Variants in RALYL observed in about 807,000 individuals in gnomAD.
The protein encoded by RALYL is RNA-binding Raly-like protein.
Under a neutral mutation model 35.1 loss-of-function variants are expected in RALYL, and 29 were observed. The observed-to-expected ratio is 0.83, with a 90% CI of 0.61 to 1.13. The LOEUF (loss-of-function observed/expected upper bound fraction) is 1.13, where lower values mean the gene tolerates loss of function less well. RALYL is among the 50% of genes most tolerant of loss of function. The pLI, the probability that RALYL is intolerant of heterozygous loss-of-function variation, is 0.00. For missense variants in RALYL, 359 were observed against 360.4 expected, an observed-to-expected ratio of 1.00 and a Z score of 0.03; for synonymous variants, 120 against 127.6, an observed-to-expected ratio of 0.94 and a Z score of 0.40.
chr8:84,793,730 G>A (rs1821317243), intron 3 of RALYL, among the ~76,000 whole-genome samples: 1 of 152,090 alleles, frequency 6.6e-6, no homozygotes, highest in South Asian at 2.1e-4. Flanking sequence ...TCAACCTGTG[G>A]CAGTTTAAAT....
intron 1 of RALYL, among the ~76,000 whole-genome samples, chr8:84,352,914 T>TAGTA (rs1851187105): frequency 1.3e-5 from 2 of 150,184 alleles, no homozygotes; most frequent in East Asian, 3.9e-4. Flanking sequence ...AAACTCTTTT[T>TAGTA]AGTAAGAAAA....
At chr8:84,248,947 A>T (rs183015865) in intron 1 of RALYL, among the ~76,000 whole-genome samples, 1 of 152,184 alleles carries the variant, frequency 6.6e-6, no homozygotes, top group Non-Finnish European at 1.5e-5. Context: ...TATGTCAAGA[A>T]AAAAAGAAAG....
intron 2 of RALYL, among the ~76,000 whole-genome samples, chr8:84,594,935 C>G (rs77476135): frequency 5.3e-5 from 8 of 151,634 alleles, no homozygotes; most frequent in African/African-American, 1.9e-4. Flanking sequence ...CTTTTAAAGA[C>G]AGATCATCTC....
intron 1 of RALYL, among the ~76,000 whole-genome samples, chr8:84,500,330 T>G (rs1187816453): frequency 1.3e-5 from 2 of 152,184 alleles, no homozygotes; most frequent in African/African-American, 4.8e-5. Flanking sequence ...ACAATCAGTA[T>G]GTAATCAAAT....
chr8:84,774,461 A>T, intron 2 of RALYL, 118 bp from the exon 3 acceptor site: 1 of 676,270 alleles, frequency 1.5e-6, no homozygotes, highest in Non-Finnish European at 2.6e-6. Context: ...TGAATGAATC[A>T]ATGGTGTACA....
chr8:84,309,507 A>T (rs1171830744), intron 1 of RALYL, among the ~76,000 whole-genome samples: 1 of 152,076 alleles, frequency 6.6e-6, no homozygotes, highest in Non-Finnish European at 1.5e-5. Flanking sequence ...ATTCTAAAAT[A>T]AAACATTGTA....
chr8:84,399,233 G>A (rs2042650407), intron 1 of RALYL, among the ~76,000 whole-genome samples: 1 of 152,134 alleles, frequency 6.6e-6, no homozygotes, highest in Non-Finnish European at 1.5e-5. Flanking sequence ...GATAGAACAT[G>A]TGCTAAGTAC....
chr8:84,648,073 A>G (rs935656974), intron 2 of RALYL, among the ~76,000 whole-genome samples: 1 of 151,702 alleles, frequency 6.6e-6, no homozygotes, highest in African/African-American at 2.4e-5. Context: ...TGTGTTAGGG[A>G]CTCTCCAGCA....
intron 2 of RALYL, among the ~76,000 whole-genome samples, chr8:84,669,044 T>C (rs1359580076): frequency 6.6e-6 from 1 of 152,124 alleles, no homozygotes; most frequent in Non-Finnish European, 1.5e-5. Context: ...CAAGGCCTAT[T>C]ATGTTCATGT....
At chr8:84,252,503 T>C (rs1830386282) in intron 1 of RALYL, among the ~76,000 whole-genome samples, 1 of 152,180 alleles carries the variant, frequency 6.6e-6, no homozygotes, top group Non-Finnish European at 1.5e-5. Context: ...TATAGCATGA[T>C]GCAAAGGCGC....
intron 4 of RALYL, among the ~76,000 whole-genome samples, chr8:84,845,931 A>G (rs980423394): frequency 3.3e-5 from 5 of 152,110 alleles, no homozygotes; most frequent in Non-Finnish European, 5.9e-5. Context: ...TGAATTTTTC[A>G]GAGATTAGAT....
At chr8:84,534,069 C>T (rs2059441671) in intron 2 of RALYL, among the ~76,000 whole-genome samples, 1 of 152,204 alleles carries the variant, frequency 6.6e-6, no homozygotes. Flanking sequence ...AAGAATGAAA[C>T]CTTTGCTGTG....
intron 1 of RALYL, among the ~76,000 whole-genome samples, chr8:84,491,652 C>T (rs1368225070): frequency 6.6e-6 from 1 of 151,842 alleles, no homozygotes; most frequent in Non-Finnish European, 1.5e-5. Context: ...GAAGGAAGCT[C>T]AGGAAAAAAT....
intron 2 of RALYL, among the ~76,000 whole-genome samples, chr8:84,615,403 T>A (rs1030327337): frequency 6.6e-6 from 1 of 150,664 alleles, no homozygotes; most frequent in African/African-American, 2.5e-5. Flanking sequence ...AGACTATCAA[T>A]GTCAGTATGT....
chr8:84,877,495 AAT>A (rs141125949), intron 7 of RALYL, among the ~76,000 whole-genome samples: 33 of 149,186 alleles, frequency 2.2e-4, no homozygotes, highest in Admixed American at 2.7e-4. Context: ...AAAACAAATA[AAT>A]ATATATATAT....
At chr8:84,405,192 A>T (rs938828387) in intron 1 of RALYL, among the ~76,000 whole-genome samples, 10 of 152,214 alleles carry the variant, frequency 6.6e-5, no homozygotes, top group African/African-American at 2.4e-4. Context: ...ACATACCAGT[A>T]TCTCTGGAAC....
At chr8:84,406,786 T>C (rs1275766435) in intron 1 of RALYL, among the ~76,000 whole-genome samples, 1 of 152,060 alleles carries the variant, frequency 6.6e-6, no homozygotes, top group Non-Finnish European at 1.5e-5. Flanking sequence ...GCATTCAGTA[T>C]TTGCTGGAAT....
chr8:84,790,041 G>A (rs1820418643), intron 3 of RALYL, among the ~76,000 whole-genome samples: 2 of 152,156 alleles, frequency 1.3e-5, no homozygotes, highest in African/African-American at 4.8e-5. Context: ...TAGTCTTAGG[G>A]GTAGGTGAAG....
chr8:84,718,362 C>A (rs1461302025), intron 2 of RALYL, among the ~76,000 whole-genome samples: 1 of 152,106 alleles, frequency 6.6e-6, no homozygotes. Flanking sequence ...GGGTCAGTTT[C>A]ATTATTATTT....
Sources: gnomAD v4.1 joint callset for allele counts (sites outside exome capture counted in the v4.1 genomes callset) on GRCh38, gnomAD v4.1.1 for gene constraint, MANE v1.5 for transcripts, NCBI Gene and HGNC (gene_info 2026-07-23, HGNC 2026-07-21) for gene names.